Variants in CNTNAP2 observed in about 807,000 individuals in gnomAD.
CNTNAP2 encodes contactin associated protein 2, also known as contactin-associated protein-like 2.
CNTNAP2 carries 98 observed loss-of-function variants against 155.2 expected under a neutral mutation model. The observed-to-expected ratio is 0.63, with a 90% CI of 0.54 to 0.75. The LOEUF is 0.75. Ranked by LOEUF, CNTNAP2 falls within the 30% of genes least tolerant of loss-of-function variation. The probability of loss-of-function intolerance (pLI) is 0.00; values close to 1 mark genes in which losing one functional copy is unlikely to be tolerated. For missense variants in CNTNAP2, 1,727 were observed against 1,688.1 expected, an observed-to-expected ratio of 1.02 and a Z score of -0.40; for synonymous variants, 651 against 631.2, an observed-to-expected ratio of 1.03 and a Z score of -0.47.
chr7:146,824,212 G>T (rs1044766531), intron 2 of CNTNAP2, among the ~76,000 whole-genome samples: 2 of 152,124 alleles, frequency 1.3e-5, no homozygotes, highest in African/African-American at 4.8e-5. Context: ...CAAAGGACAT[G>T]AACTCATTCT....
At chr7:147,965,288 G>T (rs74348002) in intron 14 of CNTNAP2, among the ~76,000 whole-genome samples, 2 of 152,112 alleles carry the variant, frequency 1.3e-5, no homozygotes, top group Non-Finnish European at 2.9e-5. Context: ...TTGGCAAATT[G>T]ATTACAGACA....
At chr7:147,500,628 C>T (rs1307186123) in intron 11 of CNTNAP2, among the ~76,000 whole-genome samples, 1 of 152,168 alleles carries the variant, frequency 6.6e-6, no homozygotes, top group Non-Finnish European at 1.5e-5. Context: ...CACAAACACA[C>T]ACACATACCC....
intron 21 of CNTNAP2, among the ~76,000 whole-genome samples, chr7:148,336,714 C>T (rs1798122651): frequency 6.6e-6 from 1 of 152,134 alleles, no homozygotes; most frequent in South Asian, 2.1e-4. Context: ...TAGACACATT[C>T]CTTAGGAAAC....
At chr7:148,006,782 A>C (rs753838553) in intron 15 of CNTNAP2, among the ~76,000 whole-genome samples, 24 of 152,112 alleles carry the variant, frequency 1.6e-4, no homozygotes, top group Non-Finnish European at 3.1e-4. Flanking sequence ...TATGGAAGAA[A>C]TCTCTAAATC....
chr7:146,409,095 C>T (rs1010995307), intron 1 of CNTNAP2, among the ~76,000 whole-genome samples: 1 of 151,882 alleles, frequency 6.6e-6, no homozygotes, highest in Non-Finnish European at 1.5e-5. Flanking sequence ...ATTTTCTTAC[C>T]CATGATAAAT....
At chr7:146,416,095 A>G (rs1229048256) in intron 1 of CNTNAP2, among the ~76,000 whole-genome samples, 3 of 151,874 alleles carry the variant, frequency 2.0e-5, no homozygotes, top group Non-Finnish European at 4.4e-5. Context: ...TTGCATGAAA[A>G]TGGATAATTT....
chr7:147,176,780 T>A (rs1473656237), intron 8 of CNTNAP2, among the ~76,000 whole-genome samples: 1 of 123,762 alleles, frequency 8.1e-6, no homozygotes, highest in Non-Finnish European at 1.6e-5. Flanking sequence ...GAATTATATA[T>A]AATTATAATT....
chr7:147,682,391 G>A (rs373172062), intron 13 of CNTNAP2, among the ~76,000 whole-genome samples: 4 of 151,850 alleles, frequency 2.6e-5, no homozygotes, highest in African/African-American at 9.7e-5. Context: ...ACAGATTGAT[G>A]AGCCAATCTA....
chr7:147,488,244 A>G (rs941500125), intron 11 of CNTNAP2, among the ~76,000 whole-genome samples: 1 of 152,218 alleles, frequency 6.6e-6, no homozygotes, highest in Admixed American at 6.5e-5. Context: ...TTGCGAAATC[A>G]ATGACCACAT....
At chr7:146,521,902 T>A (rs1797621524) in intron 1 of CNTNAP2, among the ~76,000 whole-genome samples, 1 of 152,048 alleles carries the variant, frequency 6.6e-6, no homozygotes, top group Non-Finnish European at 1.5e-5. Context: ...CTAGTGTTTT[T>A]CAGTGCCAGA....
chr7:146,751,845 A>T (rs1422051347), intron 1 of CNTNAP2, among the ~76,000 whole-genome samples: 3 of 151,016 alleles, frequency 2.0e-5, no homozygotes, highest in Non-Finnish European at 2.9e-5. Flanking sequence ...CTCATTGTTC[A>T]CCTCCCACTT....
chr7:147,698,587 T>C (rs142834179), intron 13 of CNTNAP2, among the ~76,000 whole-genome samples: 2,511 of 152,300 alleles, frequency 0.016, 224 homozygotes, highest in Admixed American at 0.15. Context: ...TTTTAAGACA[T>C]GGTCTTGCTC....
intron 13 of CNTNAP2, among the ~76,000 whole-genome samples, chr7:147,691,830 T>G (rs886339277): frequency 2.6e-5 from 4 of 152,162 alleles, no homozygotes; most frequent in African/African-American, 9.6e-5. Flanking sequence ...CAGAGTGGCT[T>G]GATTTGTTAC....
At chr7:147,126,530 A>G (rs1801242349) in intron 6 of CNTNAP2, among the ~76,000 whole-genome samples, 1 of 152,092 alleles carries the variant, frequency 6.6e-6, no homozygotes, top group Non-Finnish European at 1.5e-5. Flanking sequence ...CTGGAGTGCA[A>G]TGGCAAGATC....
intron 5 of CNTNAP2, among the ~76,000 whole-genome samples, chr7:147,110,614 G>T (rs781076685): frequency 5.9e-5 from 9 of 152,264 alleles, no homozygotes; most frequent in Non-Finnish European, 1.3e-4. Flanking sequence ...TTATAAGTGA[G>T]AACATGTGGT....
chr7:146,971,168 T>C (rs1797788577), intron 3 of CNTNAP2, among the ~76,000 whole-genome samples: 1 of 151,728 alleles, frequency 6.6e-6, no homozygotes, highest in Non-Finnish European at 1.5e-5. Context: ...GTAACTAACC[T>C]GCACATTGGT....
At chr7:146,783,804 G>A (rs1271465572) in intron 2 of CNTNAP2, among the ~76,000 whole-genome samples, 1 of 152,150 alleles carries the variant, frequency 6.6e-6, no homozygotes, top group African/African-American at 2.4e-5. Flanking sequence ...AATCAGACTG[G>A]ACAGATCTTG....
rs1563058997 is a variant in CNTNAP2, at chr7:148,365,690, GTA to G, written c.3476-17953_3476-17952del. Among the ~76,000 whole-genome samples, 12 of 103,100 alleles carry G rather than the reference GTA, an allele frequency of 1.2e-4. 1 individual carries two copies. The highest frequency in any genetic ancestry group is 3.9e-4 in the African/African-American group (12 of 31,144). The allele number at this position is 103,100 out of a possible 152,430, so 67.6% of individuals were successfully genotyped here. A position where few individuals can be genotyped will look rare whatever the true frequency, so the allele number is the denominator to read the frequency against. Reference sequence around the variant, plus strand: ...ATATATACTTGAGATGTATATATATGTATATATGTATACTTTTATATATATGT... The same window carrying G: ...ATATATACTTGAGATGTATATATATGTATATGTATACTTTTATATATATGT... On this transcript the variant is annotated intron_variant, in intron 21 of 23. Transcript: ENST00000361727.
At chr7:146,848,443 C>T (rs1023701831) in intron 3 of CNTNAP2, among the ~76,000 whole-genome samples, 3 of 152,152 alleles carry the variant, frequency 2.0e-5, no homozygotes, top group African/African-American at 7.2e-5. Context: ...TAATTGCTGT[C>T]TTCTAGGGGT....
Sources: gnomAD v4.1 joint callset for allele counts (sites outside exome capture counted in the v4.1 genomes callset) on GRCh38, gnomAD v4.1.1 for gene constraint, MANE v1.5 for transcripts, NCBI Gene and HGNC (gene_info 2026-07-23, HGNC 2026-07-21) for gene names.